Variants in NEK10 observed in about 807,000 individuals in gnomAD.
NEK10 encodes the protein NIMA related kinase 10, also known as serine/threonine-protein kinase Nek10.
A neutral mutation model predicts 159.8 loss-of-function variants in NEK10; 122 were observed. That is an observed-to-expected ratio of 0.76 (90% CI 0.66 to 0.89). NEK10 has a LOEUF of 0.89. NEK10 is among the 40% of genes least tolerant of loss of function. The pLI is 0.00. For synonymous variants in NEK10, 466 were observed against 457.1 expected (o/e 1.02, Z -0.25); for missense variants, 1,342 against 1,323.1 (o/e 1.01, Z -0.22).
chr3:27,290,576 T>C (rs751302896), intron 19 of NEK10, 41 bp downstream of exon 19: 29 of 1,454,022 alleles, frequency 2.0e-5, no homozygotes, highest in Non-Finnish European at 2.7e-5. Flanking sequence ...CAATGACATG[T>C]ATTTAAGAAA....
chr3:27,201,723 A>G lies in NEK10; in HGVS notation c.2221-143T>C, dbSNP rs1215345514. 3 of 623,902 alleles carry G rather than the reference A, an allele frequency of 4.8e-6. No homozygotes were observed. The Admixed American group carries it at 8.9e-5, about 19-fold the overall frequency. The allele number at this position is 623,902 out of a possible 1,614,324, so 38.6% of individuals were successfully genotyped here. Reference sequence around the variant, plus strand: ...TTTTAGTCAGAAATCCCGACCAAATAAAACATTTGCATCAATTAAACAGCT... The same window carrying G: ...TTTTAGTCAGAAATCCCGACCAAATGAAACATTTGCATCAATTAAACAGCT... On this transcript the variant is annotated intron_variant, in intron 24 of 35. Transcript: ENST00000691995.
At chr3:27,231,650 T>C (rs1953287017) in intron 23 of NEK10, among the ~76,000 whole-genome samples, 3 of 151,778 alleles carry the variant, frequency 2.0e-5, no homozygotes, top group Admixed American at 2.0e-4. Context: ...CAATTAGCAA[T>C]GAAACTGGAG....
rs185170411 is a variant in NEK10 at position 27,202,098 on chromosome 3, C to T, written c.2220+330G>A. 2.7e-3 allele frequency among the ~76,000 whole-genome samples: 414 copies of T among 152,192 alleles called. 1 individual carries two copies. The highest frequency in any genetic ancestry group is 9.2e-3 in the African/African-American group (382 of 41,540). On this transcript the variant is annotated intron_variant, in intron 24 of 35. Transcript: ENST00000691995. ...CCCAGGAGGCGGAGGTTGCAGTGAG[C>T]CAAGATCATGTCACTGCACGCCAGC...
intron 26 of NEK10, 124 bp from the exon 27 acceptor site, chr3:27,174,957 G>C: frequency 1.3e-6 from 1 of 756,930 alleles, no homozygotes. Context: ...TGCAGAAGAC[G>C]CATCAGTAGT....
chr3:27,364,400 G>C (rs1457709156), intron 1 of NEK10, among the ~76,000 whole-genome samples: 1 of 124,042 alleles, frequency 8.1e-6, no homozygotes, highest in Non-Finnish European at 1.8e-5. Context: ...GTGTGTGTGT[G>C]TGTGTATAGT....
At chr3:27,117,596 T>A (rs1940654694) in intron 33 of NEK10, among the ~76,000 whole-genome samples, 1 of 152,248 alleles carries the variant, frequency 6.6e-6, no homozygotes, top group African/African-American at 2.4e-5. Context: ...GAGCTTTTTA[T>A]CATATGTTTG....
intron 30 of NEK10, 123 bp downstream of exon 30, chr3:27,162,578 G>C (rs1946118036): frequency 6.2e-7 from 1 of 1,614,126 alleles, no homozygotes; most frequent in African/African-American, 1.3e-5. Flanking sequence ...GGCACTTTCA[G>C]AAGCAGGTCA....
At chr3:27,267,999 T>C (rs1241926966) in intron 22 of NEK10, among the ~76,000 whole-genome samples, 1 of 152,172 alleles carries the variant, frequency 6.6e-6, no homozygotes, top group Admixed American at 6.5e-5. Flanking sequence ...AACAGCCTTA[T>C]TGCTGATAAA....
chr3:27,210,289 C>T (rs1575264859), intron 23 of NEK10, among the ~76,000 whole-genome samples: 1 of 144,370 alleles, frequency 6.9e-6, no homozygotes, highest in Admixed American at 6.7e-5. Flanking sequence ...TGAGGCATCA[C>T]ACGGCAAAGG....
chr3:27,274,405 A>G (rs987906752), intron 22 of NEK10, among the ~76,000 whole-genome samples: 2 of 152,156 alleles, frequency 1.3e-5, no homozygotes, highest in East Asian at 3.9e-4. Context: ...TCCTTGGGAA[A>G]ACTAATGTCC....
intron 22 of NEK10, among the ~76,000 whole-genome samples, chr3:27,264,728 C>A (rs540774907): frequency 7.7e-4 from 117 of 152,030 alleles, no homozygotes; most frequent in South Asian, 2.5e-3. Context: ...CCCATCTCTA[C>A]TAAAAATGCA....
chr3:27,291,173 A>C, intron 18 of NEK10, 89 bp downstream of exon 18: 2 of 1,219,914 alleles, frequency 1.6e-6, no homozygotes, highest in Non-Finnish European at 2.3e-6. Context: ...TTCAATGACA[A>C]GAGTTCTAAT....
intron 3 of NEK10, among the ~76,000 whole-genome samples, chr3:27,350,798 C>T (rs959267247): frequency 7.8e-4 from 118 of 152,176 alleles, no homozygotes; most frequent in African/African-American, 2.3e-3. Flanking sequence ...ATCCAGTCAG[C>T]ATAAACTTCA....
chr3:27,352,751 T>TA (rs2048061776), intron 2 of NEK10, 61 bp downstream of exon 2: 4 of 1,174,048 alleles, frequency 3.4e-6, no homozygotes, highest in Non-Finnish European at 3.8e-6. Flanking sequence ...AAAAAGCCAT[T>TA]AAATCTGTTC....
intron 5 of NEK10, among the ~76,000 whole-genome samples, chr3:27,341,242 T>C (rs2047182883): frequency 1.3e-5 from 2 of 152,128 alleles, no homozygotes; most frequent in Admixed American, 1.3e-4. Context: ...GGTTAACGGG[T>C]ACAAATGTAT....
rs1954653977 is a variant in NEK10, at chr3:27,242,408, T to C, written c.2090+13888A>G. Among the ~76,000 whole-genome samples, 3 of 152,316 alleles carry C rather than the reference T, an allele frequency of 2.0e-5. 1 individual carries two copies. The South Asian group carries it at 6.2e-4, about 32-fold the overall frequency. ...CTTCTCAATCCTCATAACAACCCTA[T>C]GTTGTAGAAATTATCATTACTGCCC... On this transcript the variant is annotated intron_variant, in intron 23 of 35. Coordinates refer to ENST00000691995, the MANE Select transcript of NEK10 (RefSeq NM_001394966.1).
At chr3:27,325,229 G>A (rs528330849) in intron 5 of NEK10, among the ~76,000 whole-genome samples, 12 of 152,288 alleles carry the variant, frequency 7.9e-5, no homozygotes, top group South Asian at 2.1e-4. Context: ...TGGTGCACAC[G>A]TTAACAAAAG....
chr3:27,169,205 T>A (rs192370909), intron 29 of NEK10, among the ~76,000 whole-genome samples: 2 of 152,324 alleles, frequency 1.3e-5, no homozygotes, highest in Admixed American at 1.3e-4. Context: ...ATAATTTACT[T>A]TTGAACTAAA....
At chr3:27,219,308 A>G (rs1951862865) in intron 23 of NEK10, among the ~76,000 whole-genome samples, 1 of 152,148 alleles carries the variant, frequency 6.6e-6, no homozygotes, top group South Asian at 2.1e-4. Context: ...GATATAATAG[A>G]TTTGTTTTTC....
Sources: allele counts gnomAD v4.1 joint callset (sites outside exome capture counted in the v4.1 genomes callset), GRCh38; gene constraint gnomAD v4.1.1; transcripts MANE v1.5; gene names NCBI Gene and HGNC (gene_info 2026-07-23, HGNC 2026-07-21).